Variants in DLC1 observed in about 807,000 individuals in gnomAD.
DLC1 encodes DLC1 Rho GTPase activating protein.
In DLC1, 54 loss-of-function variants were observed where a neutral mutation model predicts 140.3. That is an observed-to-expected ratio of 0.38 (90% CI 0.31 to 0.48). The LOEUF (loss-of-function observed/expected upper bound fraction) is 0.48. DLC1 is among the 20% of genes least tolerant of loss of function. The pLI is 0.96. For synonymous variants in DLC1, 986 were observed against 728.1 expected, an observed-to-expected ratio of 1.35 and a Z score of -5.70; for missense variants, 2,536 against 1,907.0, an observed-to-expected ratio of 1.33 and a Z score of -6.14.
chr8:13,340,223 T>A (rs1252555325), intron 4 of DLC1: 3 of 152,276 alleles, frequency 2.0e-5, no homozygotes, highest in Non-Finnish European at 4.4e-5. Context: ...TTTTTTGAGA[T>A]GGAATCTCAC....
At chr8:13,571,495 A>T (rs1487067611) in intron 1 of DLC1, among the ~76,000 whole-genome samples, 1 of 152,188 alleles carries the variant, frequency 6.6e-6, no homozygotes, top group African/African-American at 2.4e-5. Context: ...CTTAGTGTCG[A>T]GGTTCATCCA....
At chr8:13,294,523 G>T (rs1831874606) in intron 5 of DLC1, among the ~76,000 whole-genome samples, 1 of 152,132 alleles carries the variant, frequency 6.6e-6, no homozygotes, top group Non-Finnish European at 1.5e-5. Context: ...ATGAGTCATT[G>T]GGGGTTAGGG....
At chr8:13,383,487 T>C (rs1836366881) in intron 4 of DLC1, among the ~76,000 whole-genome samples, 1 of 152,182 alleles carries the variant, frequency 6.6e-6, no homozygotes, top group African/African-American at 2.4e-5. Flanking sequence ...TTTGAACAGA[T>C]GCTATCTTTT....
At chr8:13,572,085 A>T (rs1804672210) in intron 1 of DLC1, among the ~76,000 whole-genome samples, 2 of 85,342 alleles carry the variant, frequency 2.3e-5, no homozygotes, top group Non-Finnish European at 2.4e-5. Flanking sequence ...GATTATTATT[A>T]TTATTATTTA....
chr8:13,525,463 A>C (rs1026513596), intron 1 of DLC1, among the ~76,000 whole-genome samples: 3 of 152,154 alleles, frequency 2.0e-5, no homozygotes, highest in Admixed American at 6.6e-5. Flanking sequence ...CCGATTTCTA[A>C]GAATTTTTGT....
chr8:13,373,634 TTGTA>T (rs1316555956), intron 4 of DLC1, among the ~76,000 whole-genome samples: 4 of 152,200 alleles, frequency 2.6e-5, no homozygotes, highest in Admixed American at 6.5e-5. Flanking sequence ...CCAAAAATAA[TTGTA>T]TGTATTACTT....
chr8:13,431,310 C>G (rs183534757), intron 2 of DLC1, among the ~76,000 whole-genome samples: 54 of 151,582 alleles, frequency 3.6e-4, no homozygotes, highest in African/African-American at 1.3e-3. Context: ...GGTGAAACCC[C>G]ATCTCTACTC....
At chr8:13,440,350 C>T (rs575831225) in intron 2 of DLC1, among the ~76,000 whole-genome samples, 2 of 152,132 alleles carry the variant, frequency 1.3e-5, no homozygotes, top group South Asian at 2.1e-4. Context: ...ATACAAGCTG[C>T]TTTTATTATT....
chr8:13,527,603 G>T (rs1349958752), intron 1 of DLC1, among the ~76,000 whole-genome samples: 1 of 152,062 alleles, frequency 6.6e-6, no homozygotes, highest in Non-Finnish European at 1.5e-5. Flanking sequence ...ACCTACTATG[G>T]ATGATTTGAA....
At chr8:13,552,109 G>GTATATATATATATATATA (rs1414492996) in intron 1 of DLC1, among the ~76,000 whole-genome samples, 1 of 18,522 alleles carries the variant, frequency 5.4e-5, no homozygotes. Context: ...CTGTCTAGAG[G>GTATATATATATATATATA]TGTATATATA....
At chr8:13,468,324 T>C (rs1251952114) in intron 2 of DLC1, among the ~76,000 whole-genome samples, 3 of 111,174 alleles carry the variant, frequency 2.7e-5, no homozygotes, top group Non-Finnish European at 4.1e-5. Flanking sequence ...TTTCTCTCTC[T>C]TTCCCTTCCC....
chr8:13,228,285 C>T (rs1828886356), intron 5 of DLC1, among the ~76,000 whole-genome samples: 1 of 148,918 alleles, frequency 6.7e-6, no homozygotes. Context: ...AAGGAGTTTC[C>T]CATTCATAAA....
intron 5 of DLC1, among the ~76,000 whole-genome samples, chr8:13,205,487 T>G (rs1827616251): frequency 6.6e-6 from 1 of 152,210 alleles, no homozygotes; most frequent in South Asian, 2.1e-4. Context: ...ATCATTCTTT[T>G]GCTTTCATCA....
At chr8:13,326,419 A>G (rs1833350669) in intron 4 of DLC1, among the ~76,000 whole-genome samples, 1 of 152,158 alleles carries the variant, frequency 6.6e-6, no homozygotes, top group Admixed American at 6.5e-5. Flanking sequence ...CATATACAAC[A>G]TTACGTATTT....
chr8:13,551,953 A>G (rs1803870873), intron 1 of DLC1, among the ~76,000 whole-genome samples: 1 of 143,390 alleles, frequency 7.0e-6, no homozygotes, highest in African/African-American at 2.5e-5. Flanking sequence ...ATGTACCTCT[A>G]GACAGGTGTA....
At chr8:13,175,575 T>G (rs940275361) in intron 5 of DLC1, among the ~76,000 whole-genome samples, 1 of 152,148 alleles carries the variant, frequency 6.6e-6, no homozygotes, top group Admixed American at 6.5e-5. Flanking sequence ...AAAAAATAAC[T>G]CTATAGACTC....
At chr8:13,162,086 T>C (rs1360151625) in intron 5 of DLC1, among the ~76,000 whole-genome samples, 2 of 152,208 alleles carry the variant, frequency 1.3e-5, no homozygotes, top group Non-Finnish European at 2.9e-5. Context: ...TTCATAAGAA[T>C]TTATAGCAGA....
intron 5 of DLC1, among the ~76,000 whole-genome samples, chr8:13,131,346 GA>G (rs113687290): frequency 3.3e-4 from 49 of 148,966 alleles, no homozygotes; most frequent in African/African-American, 6.9e-4. Context: ...AATTTTGGAG[GA>G]AAAAAAAAAT....
At chr8:13,166,923 G>A (rs564808516) in intron 5 of DLC1, among the ~76,000 whole-genome samples, 46 of 152,152 alleles carry the variant, frequency 3.0e-4, no homozygotes, top group African/African-American at 1.0e-3. Context: ...TTTTGGAGGT[G>A]GCAGAAAAAG....
Sources: allele counts gnomAD v4.1 joint callset (sites outside exome capture counted in the v4.1 genomes callset), GRCh38; gene constraint gnomAD v4.1.1; transcripts MANE v1.5; gene names NCBI Gene and HGNC (gene_info 2026-07-23, HGNC 2026-07-21).